Variants in CPEB2 observed in about 807,000 individuals in gnomAD.
The protein encoded by CPEB2 is cytoplasmic polyadenylation element binding protein 2.
CPEB2 carries 56 observed loss-of-function variants against 93.6 expected under a neutral mutation model. The ratio of observed to expected loss-of-function variants is 0.60; its 90% CI spans 0.48 to 0.75. The LOEUF (loss-of-function observed/expected upper bound fraction) is 0.75. Among genes scored for constraint, CPEB2 ranks in the 30% least tolerant of loss-of-function variants. The pLI is 0.00. For missense variants in CPEB2, 1,579 were observed against 1,395.1 expected, an observed-to-expected ratio of 1.13 and a Z score of -2.10; for synonymous variants, 764 against 586.3, an observed-to-expected ratio of 1.30 and a Z score of -4.38.
chr4:15,026,713 T>C (rs1402170705), intron 4 of CPEB2, among the ~76,000 whole-genome samples: 1 of 152,194 alleles, frequency 6.6e-6, no homozygotes, highest in Non-Finnish European at 1.5e-5. Context: ...CTTCAAAATA[T>C]TGATTTAGAA....
chr4:15,051,432 C>A (rs1038859706), intron 6 of CPEB2, among the ~76,000 whole-genome samples: 1 of 152,108 alleles, frequency 6.6e-6, no homozygotes, highest in Admixed American at 6.5e-5. Flanking sequence ...CCTACATTTT[C>A]TTATGTTTCT....
Position 15,040,102 on chromosome 4 carries a change from A to G in CPEB2, c.2177-362A>G, listed in dbSNP as rs921055388. Among the ~76,000 whole-genome samples the G allele has an allele frequency of 1.2e-4, 19 of 152,166 alleles. 1 individual carries two copies. The highest frequency in any genetic ancestry group is 9.8e-4 in the Admixed American group (15 of 15,282). ...GTAGAAAAAATAAGCATTTAGTTCA[A>G]GTTGTTTCCATTCATTGGGAAAATT... On this transcript the variant is annotated intron_variant, in intron 5 of 11. Transcript: ENST00000538197.
chr4:15,012,734 C>A (rs1007999439), intron 3 of CPEB2, among the ~76,000 whole-genome samples: 2 of 152,112 alleles, frequency 1.3e-5, no homozygotes, highest in African/African-American at 4.8e-5. Context: ...GAACTAAACA[C>A]AAGCATTGTA....
chr4:15,041,228 G>A (rs1402418166), intron 6 of CPEB2, among the ~76,000 whole-genome samples: 2 of 151,998 alleles, frequency 1.3e-5, no homozygotes, highest in East Asian at 1.9e-4. Context: ...CTAGTAGATG[G>A]GATGAGAGGA....
rs1461188633 is a variant in CPEB2 at position 15,004,646 on chromosome 4, G to A, written c.1662+311G>A. ...GCGCAGCAGTGGGGACTGGGGCAGG[G>A]GCCGAATAGCGCCGGGGCCGCGGGC... On this transcript the variant is annotated intron_variant, in intron 1 of 11. Transcript: ENST00000538197. 2.0e-5 allele frequency among the ~76,000 whole-genome samples: 3 copies of A among 151,700 alleles called. No homozygotes were observed. In the East Asian group the frequency reaches 5.9e-4, roughly 30 times the overall value.
At chr4:15,035,436 G>A (rs1397028615) in intron 5 of CPEB2, among the ~76,000 whole-genome samples, 1 of 152,132 alleles carries the variant, frequency 6.6e-6, no homozygotes. Flanking sequence ...ATTCATTCAT[G>A]TAAAGTATTT....
intron 3 of CPEB2, among the ~76,000 whole-genome samples, chr4:15,015,277 T>C (rs1279981287): frequency 7.2e-5 from 11 of 152,054 alleles, no homozygotes; most frequent in Admixed American, 7.2e-4. Flanking sequence ...TTACAGCTCA[T>C]TGATTCTTTG....
rs1195617821 is a variant in CPEB2 at position 15,040,517 on chromosome 4, T to C, written c.2200+30T>C. ...TTCATTTCTGTTTGCTATGGTATAATTGTTTCTAATGGGGTTTACTGATCA... is the reference window on the plus strand; with the variant it reads ...TTCATTTCTGTTTGCTATGGTATAACTGTTTCTAATGGGGTTTACTGATCA... On this transcript the variant is annotated intron_variant, in intron 6 of 11. Transcript: ENST00000538197. 5 of 1,529,112 alleles carry C rather than the reference T, an allele frequency of 3.3e-6. No homozygotes were observed. In the African/African-American group the frequency reaches 6.9e-5, roughly 21 times the overall value. The allele number at this position is 1,529,112 out of a possible 1,614,324, so 94.7% of individuals were successfully genotyped here.
intron 4 of CPEB2, among the ~76,000 whole-genome samples, chr4:15,021,884 A>G (rs937943356): frequency 1.2e-4 from 18 of 152,146 alleles, no homozygotes; most frequent in African/African-American, 3.6e-4. Context: ...TTTAGGGCAT[A>G]TAAGCCCTGA....
In CPEB2 at chr4:15,003,102, T is replaced by G. The variant is rs1370767880; in HGVS notation, c.429T>G (p.Ser143Arg). Residue 143 changes from serine (S) to arginine (R), a missense_variant, in exon 1 of 12, where the codon AGT becomes AGG. Around this residue, in one of 2 missense-constraint regions of CPEB2, gnomAD observed 1,411 missense variants for 1,056.0 expected, o/e 1.34. Transcript: ENST00000538197. The part of the protein sequence containing the change: ...HLLPSQDFKP[S>R]LHHPSSSSAS... ...TCCCCTCCCAGGACTTCAAACCGAG[T>G]CTGCACCACCCCTCCTCCTCCTCCG... The G allele has an allele frequency of 6.5e-6, 10 of 1,531,308 alleles. No homozygotes were observed. The highest frequency in any genetic ancestry group is 5.9e-5 in the Admixed American group (3 of 50,452). The allele number at this position is 1,531,308 out of a possible 1,614,324, so 94.9% of individuals were successfully genotyped here.
rs997163517 is a variant in CPEB2 at position 15,007,606 on chromosome 4, G to T, written c.1944+20G>T. The T allele has an allele frequency of 1.3e-6, 2 of 1,489,486 alleles. No homozygotes were observed. The highest frequency in any genetic ancestry group is 1.4e-5 in the African/African-American group (1 of 71,620). 92.3% of individuals were successfully genotyped at this position (1,489,486 alleles called of 1,614,324 possible). On this transcript the variant is annotated intron_variant, in intron 2 of 11. Coordinates refer to ENST00000538197, the MANE Select transcript of CPEB2 (RefSeq NM_001177382.2). ...TTACAGGTAAGAATGGTATGTAAAT[G>T]ACCTTATCTCTAATGTTAATCTTTC...
chr4:15,017,403 A>G, intron 4 of CPEB2, 125 bp downstream of exon 4: 2 of 466,188 alleles, frequency 4.3e-6, no homozygotes, highest in Non-Finnish European at 7.5e-6. Flanking sequence ...TTACACATTT[A>G]TTAATGAGAA....
At chr4:15,016,717 A>G (rs1013746929) in intron 3 of CPEB2, among the ~76,000 whole-genome samples, 3 of 151,980 alleles carry the variant, frequency 2.0e-5, no homozygotes, top group African/African-American at 4.8e-5. Context: ...TCAGACTACT[A>G]TGTCAGATAA....
intron 1 of CPEB2, 67 bp from the exon 2 acceptor site, chr4:15,007,238 A>C: frequency 7.5e-7 from 1 of 1,327,558 alleles, no homozygotes; most frequent in South Asian, 2.1e-5. Flanking sequence ...TAGGTCTGAA[A>C]TTTGAATTTG....
chr4:15,045,606 C>CA (rs1184166794), intron 6 of CPEB2, among the ~76,000 whole-genome samples: 3 of 151,292 alleles, frequency 2.0e-5, no homozygotes, highest in Non-Finnish European at 3.0e-5. Context: ...AGACCATAAG[C>CA]AAAAAAAATC....
rs992266155 is a variant in CPEB2, at chr4:15,068,672, T to C, written c.*2292T>C. ...CTTAATGTTTAAAATTGAAGAGCCT[T>C]TTCATGTATTAAATAATGAACACAA... On this transcript the variant is annotated 3_prime_UTR_variant, in exon 12 of 12. Coordinates refer to ENST00000538197, the MANE Select transcript of CPEB2 (RefSeq NM_001177382.2). The C allele has an allele frequency of 7.9e-5, 12 of 152,318 alleles. No homozygotes were observed. Among genetic ancestry groups the C allele is most frequent in the Non-Finnish European group, 1.6e-4 (11 of 67,858 alleles). 9.4% of individuals were successfully genotyped at this position (152,318 alleles called of 1,614,324 possible).
intron 5 of CPEB2, among the ~76,000 whole-genome samples, chr4:15,038,038 G>A (rs1472367883): frequency 1.3e-5 from 2 of 152,158 alleles, no homozygotes; most frequent in East Asian, 1.9e-4. Flanking sequence ...CCATAACAGG[G>A]AATAGGAAAT....
At chr4:15,017,309 A>C (rs184997606) in intron 4 of CPEB2, 31 bp downstream of exon 4, 1,150 of 1,145,264 alleles carry the variant, frequency 1.0e-3, no homozygotes, top group Non-Finnish European at 1.2e-3. Flanking sequence ...ATATATGTTT[A>C]TATTATACAC....
chr4:15,058,776 C>T (rs1285012957), intron 9 of CPEB2, among the ~76,000 whole-genome samples: 1 of 152,136 alleles, frequency 6.6e-6, no homozygotes, highest in Non-Finnish European at 1.5e-5. Flanking sequence ...GGCAAGCCAG[C>T]ATTACTGCCT....
Sources: gnomAD v4.1 joint callset for allele counts (sites outside exome capture counted in the v4.1 genomes callset) on GRCh38, gnomAD v4.1.1 for gene constraint, gnomAD v4.1.1 regional missense constraint, MANE v1.5 for transcripts, NCBI Gene and HGNC (gene_info 2026-07-23, HGNC 2026-07-21) for gene names.